DNAH14: variants seen among roughly 807,000 people sequenced by gnomAD.
DNAH14 encodes dynein axonemal heavy chain 14.
DNAH14 carries 478 observed loss-of-function variants against 520.9 expected under a neutral mutation model. That is an observed-to-expected ratio of 0.92 (90% CI 0.85 to 0.99). DNAH14 has a LOEUF of 0.99. Among genes scored for constraint, DNAH14 ranks in the 50% least tolerant of loss-of-function variants. The pLI, the probability that DNAH14 is intolerant of heterozygous loss-of-function variation, is 0.00. For synonymous variants in DNAH14, 1,581 were observed against 1,757.2 expected, an observed-to-expected ratio of 0.90 and a Z score of 2.51; for missense variants, 4,831 against 5,234.5, an observed-to-expected ratio of 0.92 and a Z score of 2.38.
intron 17 of DNAH14, among the ~76,000 whole-genome samples, chr1:225,060,599 A>T (rs1019767071): frequency 1.9e-4 from 29 of 151,832 alleles, no homozygotes; most frequent in African/African-American, 6.8e-4. Context: ...TCTGATTTTT[A>T]GAGTTTCCAG....
At chr1:225,129,114 T>C (rs1240191601) in intron 27 of DNAH14, among the ~76,000 whole-genome samples, 4 of 151,764 alleles carry the variant, frequency 2.6e-5, no homozygotes, top group African/African-American at 7.3e-5. Context: ...TTACAAGGGA[T>C]GTGAAGGACC....
intron 54 of DNAH14, among the ~76,000 whole-genome samples, chr1:225,280,400 C>G (rs2093600394): frequency 6.6e-6 from 1 of 152,000 alleles, no homozygotes; most frequent in Admixed American, 6.6e-5. Flanking sequence ...GAGATCAAGA[C>G]CATCCTGGCT....
rs1399121549 is a variant in DNAH14, at chr1:225,122,041, T to TTAATTATAAGACAGCA, written c.4167-1475_4167-1474insCAGCATAATTATAAGA. On this transcript the variant is annotated intron_variant, in intron 26 of 85. Coordinates refer to ENST00000682510, the MANE Select transcript of DNAH14 (RefSeq NM_001367479.1). The stretch of plus-strand genomic sequence containing the variant: ...CTGGCTGAGTGATTGTCAGACATCA[T>TTAATTATAAGACAGCA]TAATTATAAGATGCTTTCTGATTCC... Among the ~76,000 whole-genome samples the TTAATTATAAGACAGCA allele has an allele frequency of 8.5e-5, 13 of 152,204 alleles. No homozygotes were observed. The South Asian group carries it at 2.7e-3, about 32-fold the overall frequency.
At chr1:225,046,356 A>G (rs933028384) in intron 15 of DNAH14, among the ~76,000 whole-genome samples, 2 of 152,154 alleles carry the variant, frequency 1.3e-5, no homozygotes, top group Non-Finnish European at 2.9e-5. Context: ...AGGATATGGT[A>G]TCATAAGAGA....
chr1:225,056,879 C>T (rs2069173206), intron 17 of DNAH14, among the ~76,000 whole-genome samples: 1 of 152,070 alleles, frequency 6.6e-6, no homozygotes, highest in Non-Finnish European at 1.5e-5. Context: ...TGTTCTGTTC[C>T]GTTGGTCTAT....
chr1:225,333,797 T>C (rs1233760920), intron 66 of DNAH14, among the ~76,000 whole-genome samples: 2 of 152,172 alleles, frequency 1.3e-5, no homozygotes, highest in East Asian at 3.8e-4. Flanking sequence ...CCCTGAAACC[T>C]CTTTCATTTA....
intron 36 of DNAH14, among the ~76,000 whole-genome samples, chr1:225,178,147 G>A (rs114264137): frequency 0.04 from 6,157 of 152,206 alleles, 180 homozygotes; most frequent in Middle Eastern, 0.065. Flanking sequence ...ACTGCATTTC[G>A]GACTTACATG....
intron 49 of DNAH14, among the ~76,000 whole-genome samples, chr1:225,267,879 C>T (rs1313877249): frequency 1.3e-5 from 2 of 151,652 alleles, no homozygotes; most frequent in Non-Finnish European, 2.9e-5. Flanking sequence ...GGGGAAGAAT[C>T]CAGGTATGGC....
chr1:225,279,553 T>TA (rs2093578252), intron 54 of DNAH14, among the ~76,000 whole-genome samples: 1 of 152,100 alleles, frequency 6.6e-6, no homozygotes, highest in Non-Finnish European at 1.5e-5. Flanking sequence ...TTTAATTCAG[T>TA]AAAAAAGTAA....
chr1:225,040,521 T>C (rs746771736), intron 12 of DNAH14, among the ~76,000 whole-genome samples: 5 of 152,202 alleles, frequency 3.3e-5, no homozygotes, highest in Non-Finnish European at 5.9e-5. Flanking sequence ...AAGCAAACAC[T>C]CATGTAGGCT....
At chr1:225,212,678 G>A (rs1423434008) in intron 41 of DNAH14, among the ~76,000 whole-genome samples, 1 of 152,142 alleles carries the variant, frequency 6.6e-6, no homozygotes, top group Non-Finnish European at 1.5e-5. Flanking sequence ...ATTTTTTCAT[G>A]TGTTTTTTGG....
chr1:224,966,613 T>C (rs2061182621), intron 5 of DNAH14, among the ~76,000 whole-genome samples: 1 of 152,198 alleles, frequency 6.6e-6, no homozygotes, highest in South Asian at 2.1e-4. Context: ...ACAGTCAGAC[T>C]TGGATTCACA....
chr1:225,141,278 A>C (rs1366416747), intron 28 of DNAH14, among the ~76,000 whole-genome samples: 1 of 152,086 alleles, frequency 6.6e-6, no homozygotes, highest in South Asian at 2.1e-4. Flanking sequence ...AGAGAGACAG[A>C]TCACATTCAC....
chr1:225,272,863 A>C, intron 51 of DNAH14, 92 bp from the exon 52 acceptor site: 1 of 1,205,506 alleles, frequency 8.3e-7, no homozygotes, highest in African/African-American at 1.6e-5. Context: ...TTCTATTTTT[A>C]TGGATCATAA....
At chr1:224,943,610 C>CT (rs1278591777) in intron 1 of DNAH14, among the ~76,000 whole-genome samples, 2 of 152,066 alleles carry the variant, frequency 1.3e-5, no homozygotes, top group Non-Finnish European at 2.9e-5. Flanking sequence ...TAGATCCTTC[C>CT]TGCTTTCTCT....
chr1:225,343,624 G>A (rs1424066692), intron 69 of DNAH14, among the ~76,000 whole-genome samples: 1 of 152,076 alleles, frequency 6.6e-6, no homozygotes, highest in Non-Finnish European at 1.5e-5. Flanking sequence ...TCACTTAGAA[G>A]CATATTTTTT....
chr1:225,332,916 A>G (rs1043977497), intron 65 of DNAH14, among the ~76,000 whole-genome samples: 18 of 151,862 alleles, frequency 1.2e-4, no homozygotes, highest in Admixed American at 9.8e-4. Context: ...TGGGAGGAGG[A>G]TCACATGAGC....
At chr1:224,956,505 TC>T (rs1378649587) in intron 3 of DNAH14, among the ~76,000 whole-genome samples, 1 of 152,124 alleles carries the variant, frequency 6.6e-6, no homozygotes, top group African/African-American at 2.4e-5. Context: ...GGAGTAATAG[TC>T]TATTCCATAT....
intron 61 of DNAH14, among the ~76,000 whole-genome samples, chr1:225,321,671 A>C (rs2094557261): frequency 6.6e-6 from 1 of 152,178 alleles, no homozygotes; most frequent in Non-Finnish European, 1.5e-5. Context: ...TGCTTCTTAT[A>C]AATGTTATTC....
Sources: gnomAD v4.1 joint callset for allele counts (sites outside exome capture counted in the v4.1 genomes callset) on GRCh38, gnomAD v4.1.1 for gene constraint, MANE v1.5 for transcripts, NCBI Gene and HGNC (gene_info 2026-07-23, HGNC 2026-07-21) for gene names.